The following MRPS9 variants were observed in gnomAD, a reference collection of about 807,000 sequenced individuals.
MRPS9 encodes the protein small ribosomal subunit protein uS9m.
In MRPS9, 45 loss-of-function variants were observed where a neutral mutation model predicts 59.9. The observed-to-expected ratio is 0.75, with a 90% CI of 0.59 to 0.96. The LOEUF is 0.96. Among genes scored for constraint, MRPS9 ranks in the 40% least tolerant of loss-of-function variants. The pLI is 0.00. For missense variants in MRPS9, 473 were observed against 481.1 expected, an observed-to-expected ratio of 0.98 and a Z score of 0.16; for synonymous variants, 171 against 166.8, an observed-to-expected ratio of 1.03 and a Z score of -0.19.
intron 5 of MRPS9, among the ~76,000 whole-genome samples, chr2:105,088,213 A>G (rs1261836916): frequency 2.0e-5 from 3 of 152,334 alleles, no homozygotes; most frequent in Admixed American, 6.5e-5. Flanking sequence ...TAAATTATAA[A>G]TGAATAAATA....
At position 105,038,230 on chromosome 2, in the gene MRPS9, A is replaced by G. The variant is rs768369350; in HGVS notation, c.135+3A>G. The G allele has an allele frequency of 1.2e-6, 2 of 1,608,594 alleles. No homozygotes were observed. The highest frequency in any genetic ancestry group is 1.7e-4 in the Middle Eastern group (1 of 6,034). On this transcript the variant is annotated splice_donor_region_variant and intron_variant, in intron 1 of 10. Transcript: ENST00000258455. ...TGCAAACAAATGTCAGATCCCAGGT[A>G]AGGCCTGGGAAGACTGGAAGCGGCT...
chr2:105,074,819 G>C (rs1680176119), intron 4 of MRPS9, among the ~76,000 whole-genome samples: 1 of 152,152 alleles, frequency 6.6e-6, no homozygotes, highest in Non-Finnish European at 1.5e-5. Flanking sequence ...GGTTAAACCG[G>C]TGGTCCCCAG....
intron 2 of MRPS9, among the ~76,000 whole-genome samples, chr2:105,068,853 T>C (rs551326053): frequency 6.6e-6 from 1 of 152,344 alleles, no homozygotes; most frequent in Non-Finnish European, 1.5e-5. Context: ...CTCTTATGCA[T>C]GGGGATTTGG....
chr2:105,096,548 T>C (rs1680664046), intron 9 of MRPS9, among the ~76,000 whole-genome samples: 1 of 152,094 alleles, frequency 6.6e-6, no homozygotes, highest in Non-Finnish European at 1.5e-5. Flanking sequence ...ACAGGGGTTG[T>C]GTAGAATGTC....
chr2:105,084,786 A>T (rs1364884013), intron 5 of MRPS9, among the ~76,000 whole-genome samples: 1 of 152,202 alleles, frequency 6.6e-6, no homozygotes, highest in Non-Finnish European at 1.5e-5. Flanking sequence ...TCAGCAGTCG[A>T]AATTGCTGTT....
intron 2 of MRPS9, among the ~76,000 whole-genome samples, chr2:105,062,866 T>C (rs527743019): frequency 6.6e-6 from 1 of 152,238 alleles, no homozygotes; most frequent in African/African-American, 2.4e-5. Flanking sequence ...GAAGTTCTAC[T>C]GGACATGTTA....
At chr2:105,048,620 C>T (rs1679651931) in intron 1 of MRPS9, among the ~76,000 whole-genome samples, 1 of 151,924 alleles carries the variant, frequency 6.6e-6, no homozygotes. Context: ...TTCTTTTTAT[C>T]ACTTTAATAT....
chr2:105,095,886 G>A (rs1482466006), intron 9 of MRPS9, among the ~76,000 whole-genome samples: 1 of 150,634 alleles, frequency 6.6e-6, no homozygotes, highest in African/African-American at 2.4e-5. Flanking sequence ...GACCCAGACT[G>A]GACTCAAGCT....
intron 1 of MRPS9, among the ~76,000 whole-genome samples, chr2:105,047,240 G>A (rs1158704184): frequency 6.6e-6 from 1 of 151,990 alleles, no homozygotes; most frequent in African/African-American, 2.4e-5. Flanking sequence ...TTAGAAGGAT[G>A]TGATCTCCTA....
chr2:105,063,152 C>G (rs74724062), intron 2 of MRPS9, among the ~76,000 whole-genome samples: 1,584 of 152,296 alleles, frequency 0.01, 24 homozygotes, highest in African/African-American at 0.037. Context: ...ATGCTGTAGT[C>G]TCAGCTCCTT....
Position 105,097,223 on chromosome 2 carries a change from CA to C in MRPS9, c.999del (p.Gly335AlafsTer30), listed in dbSNP as rs1260002446. 1 of 1,612,698 alleles carries C rather than the reference CA, an allele frequency of 6.2e-7. No homozygotes were observed. Among genetic ancestry groups the C allele is most frequent in the Non-Finnish European group, 8.5e-7 (1 of 1,179,446 alleles). On this transcript the variant is annotated frameshift_variant, in exon 10 of 11. Coordinates refer to ENST00000258455, the MANE Select transcript of MRPS9 (RefSeq NM_182640.3). LOFTEE classifies it high-confidence loss of function. Reference sequence around the variant, plus strand: ...AAGCACGACGTGACCTGCACAGTCTCAGGGGGCGGGAGGTCAGCGCAGGCTG... The same window carrying C: ...AAGCACGACGTGACCTGCACAGTCTCGGGGGCGGGAGGTCAGCGCAGGCTG... ...LGKHDVTCTV[S>X]GGGRSAQAGA...
intron 1 of MRPS9, among the ~76,000 whole-genome samples, chr2:105,045,130 A>G (rs1206015305): frequency 6.6e-6 from 1 of 152,184 alleles, no homozygotes; most frequent in Non-Finnish European, 1.5e-5. Context: ...AAGCTGATCT[A>G]AACTATGGAG....
intron 2 of MRPS9, among the ~76,000 whole-genome samples, chr2:105,056,231 G>A (rs1326194519): frequency 2.1e-5 from 3 of 143,470 alleles, no homozygotes; most frequent in Non-Finnish European, 4.5e-5. Context: ...GCTGTACACT[G>A]TTCTTTCTAC....
intron 5 of MRPS9, among the ~76,000 whole-genome samples, chr2:105,088,675 T>C (rs954573109): frequency 4.6e-5 from 7 of 152,060 alleles, no homozygotes; most frequent in Non-Finnish European, 8.8e-5. Context: ...GGTTTTTGGT[T>C]TTTTTTAACC....
At chr2:105,099,603 A>C in intron 10 of MRPS9, 67 bp from the exon 11 acceptor site, 1 of 1,469,742 alleles carries the variant, frequency 6.8e-7, no homozygotes, top group Non-Finnish European at 9.3e-7. Flanking sequence ...TAAATTTATG[A>C]ACCTGCTTTT....
intron 1 of MRPS9, among the ~76,000 whole-genome samples, chr2:105,048,537 C>T (rs761802499): frequency 6.6e-6 from 1 of 151,814 alleles, no homozygotes; most frequent in African/African-American, 2.4e-5. Context: ...AAAAGATATG[C>T]GAGCCCTTAT....
intron 2 of MRPS9, among the ~76,000 whole-genome samples, chr2:105,052,600 T>A (rs1679732381): frequency 6.6e-6 from 1 of 152,220 alleles, no homozygotes; most frequent in Admixed American, 6.5e-5. Flanking sequence ...AATGTTTGTC[T>A]GGTTTTGATA....
Position 105,092,583 on chromosome 2 carries a change from G to C in MRPS9, c.820+14G>C. The C allele has an allele frequency of 6.7e-7, 1 of 1,500,782 alleles. No individual in the cohort carries two copies. Among genetic ancestry groups the C allele is most frequent in the Non-Finnish European group, 8.9e-7 (1 of 1,121,058 alleles). 93.0% of individuals were successfully genotyped at this position (1,500,782 alleles called of 1,614,324 possible). On this transcript the variant is annotated intron_variant, in intron 8 of 10. Coordinates refer to ENST00000258455, the MANE Select transcript of MRPS9 (RefSeq NM_182640.3). Reference sequence around the variant, plus strand: ...GCAAAAGTGAAGGTAATGACATTCTGTGGAGAGAAAATAAATTCAGTGAAG... The same window carrying C: ...GCAAAAGTGAAGGTAATGACATTCTCTGGAGAGAAAATAAATTCAGTGAAG...
At chr2:105,082,753 A>G (rs996988911) in intron 5 of MRPS9, among the ~76,000 whole-genome samples, 4 of 152,194 alleles carry the variant, frequency 2.6e-5, no homozygotes, top group Non-Finnish European at 5.9e-5. Flanking sequence ...CGTTTTGGAA[A>G]TGTGCCACAC....
Sources: allele counts gnomAD v4.1 joint callset (sites outside exome capture counted in the v4.1 genomes callset), GRCh38; gene constraint gnomAD v4.1.1; transcripts MANE v1.5; gene names NCBI Gene and HGNC (gene_info 2026-07-23, HGNC 2026-07-21).